SH3D21: variants seen among roughly 807,000 people sequenced by gnomAD.
SH3D21 encodes the protein manchette microtubule inner protein 1.
A neutral mutation model predicts 82.1 loss-of-function variants in SH3D21; 83 were observed. That is an observed-to-expected ratio of 1.01 (90% CI 0.85 to 1.21). The LOEUF (loss-of-function observed/expected upper bound fraction) is 1.21. SH3D21 is among the 50% of genes most tolerant of loss of function. The pLI is 0.00. For synonymous variants in SH3D21, 383 were observed against 387.8 expected (o/e 0.99, Z 0.15); for missense variants, 980 against 962.1 (o/e 1.02, Z -0.25).
chr1:36,319,557 G>T (rs1646407239), intron 13 of SH3D21, 21 bp downstream of exon 13: 1 of 1,551,680 alleles, frequency 6.4e-7, no homozygotes, highest in South Asian at 1.2e-5. Flanking sequence ...GGAGACATGG[G>T]AGAGTGGGGA....
chr1:36,316,005 C>T (rs1217610244), intron 10 of SH3D21, among the ~76,000 whole-genome samples: 2 of 152,180 alleles, frequency 1.3e-5, no homozygotes, highest in Admixed American at 6.5e-5. Flanking sequence ...GTTGCATGCA[C>T]ATCCTGAACT....
In SH3D21 at chr1:36,306,489, C is replaced by T; in HGVS notation, c.4+65C>T. ...GTGGACATAGCAAGAGCCCACACCA[C>T]CCCCCGACCCCCGCTGCCCTCTACG... is the stretch of plus-strand genomic sequence containing the variant. On this transcript the variant is annotated intron_variant, in intron 1 of 15. Coordinates refer to ENST00000453908, the MANE Select transcript of SH3D21 (RefSeq NM_001162530.2). The surrounding 1 kb of genome is among the most constrained non-coding windows in gnomAD (Gnocchi z 4.5). 5.4e-6 allele frequency: 7 copies of T among 1,303,316 alleles called. No individual in the cohort carries two copies. The highest frequency in any genetic ancestry group is 7.1e-6 in the Non-Finnish European group (7 of 987,564). 80.7% of individuals were successfully genotyped at this position (1,303,316 alleles called of 1,614,324 possible).
chr1:36,325,833 C>T (rs1044010236), downstream of SH3D21, among the ~76,000 whole-genome samples: 4 of 152,196 alleles, frequency 2.6e-5, no homozygotes, highest in South Asian at 4.1e-4. Context: ...CGTGAGCCAC[C>T]GCGCCCAGCC....
intron 10 of SH3D21, among the ~76,000 whole-genome samples, chr1:36,312,117 C>T (rs997936020): frequency 3.3e-5 from 5 of 150,516 alleles, no homozygotes; most frequent in African/African-American, 4.9e-5. Context: ...CTCCGCCTCC[C>T]GGGTTCATGC....
chr1:36,309,617 G>A, intron 10 of SH3D21, 27 bp downstream of exon 10: 1 of 1,550,692 alleles, frequency 6.4e-7, no homozygotes, highest in African/African-American at 1.4e-5. Context: ...CCTGGGATTG[G>A]GGGGTGTTCT....
At chr1:36,322,118 C>G (rs1000297447), downstream of SH3D21, 50 of 1,353,906 alleles carry the variant, frequency 3.7e-5, no homozygotes, top group Non-Finnish European at 4.6e-5. Context: ...GCTGCCCCCT[C>G]CCCGCCCCCG....
At chr1:36,309,646 C>A in intron 10 of SH3D21, 56 bp downstream of exon 10, 4 of 1,543,966 alleles carry the variant, frequency 2.6e-6, no homozygotes, top group Non-Finnish European at 3.5e-6. Context: ...CCCACCAGTC[C>A]AGTTGCTTAT....
chr1:36,327,729 G>A (rs1646559492), downstream of SH3D21: 9 of 1,219,900 alleles, frequency 7.4e-6, no homozygotes, highest in Admixed American at 5.7e-5. Flanking sequence ...GGGGCTTGCC[G>A]TGGCCAAGCC....
chr1:36,312,022 C>CT (rs973528227), intron 10 of SH3D21, among the ~76,000 whole-genome samples: 8 of 150,512 alleles, frequency 5.3e-5, no homozygotes, highest in South Asian at 2.1e-4. Context: ...CTATAATTTT[C>CT]TTTTTTTTTA....
chr1:36,316,603 G>T (rs960899782), intron 10 of SH3D21, among the ~76,000 whole-genome samples: 2 of 152,152 alleles, frequency 1.3e-5, no homozygotes, highest in African/African-American at 4.8e-5. Context: ...CGGTCCTCCT[G>T]AAGAAAGGTA....
At chr1:36,309,638 C>G (rs1040980500) in intron 10 of SH3D21, 48 bp downstream of exon 10, 4 of 1,548,432 alleles carry the variant, frequency 2.6e-6, no homozygotes, top group Non-Finnish European at 3.5e-6. Context: ...CTGGGAGACC[C>G]ACCAGTCCAG....
chr1:36,320,673 C>T lies in SH3D21; in HGVS notation c.2010C>T (p.Leu670=). ...IKPPPDSQET[L]ALPSLVPQNY... ...CGCCTCCAGACTCCCAAGAGACGCTCGCGCTCCCCTCGCTGGTCCCGCAAA... is the reference window on the plus strand; with the variant it reads ...CGCCTCCAGACTCCCAAGAGACGCTTGCGCTCCCCTCGCTGGTCCCGCAAA... The change falls in exon 14 of 16, where the codon CTC becomes CTT. Residue 670 remains leucine (L), a synonymous_variant. Transcript: ENST00000453908. 1 of 1,614,244 alleles carries T rather than the reference C, an allele frequency of 6.2e-7. No homozygotes were observed. The highest frequency in any genetic ancestry group is 2.2e-5 in the East Asian group (1 of 44,894).
chr1:36,307,477 G>C lies in SH3D21; in HGVS notation c.346-40G>C. 1 of 1,546,772 alleles carries C rather than the reference G, an allele frequency of 6.5e-7. No individual in the cohort carries two copies. The highest frequency in any genetic ancestry group is 2.0e-5 in the Admixed American group (1 of 50,768). Reference sequence around the variant, plus strand: ...TGGCAGATTATCCTAGGGACTCTTGGGGCAGAACCAGACGCCTCTGCGTCC... The same window carrying C: ...TGGCAGATTATCCTAGGGACTCTTGCGGCAGAACCAGACGCCTCTGCGTCC... On this transcript the variant is annotated intron_variant, in intron 4 of 15. Coordinates refer to ENST00000453908, the MANE Select transcript of SH3D21 (RefSeq NM_001162530.2). This position sits in a 1 kb window ranked among gnomAD's most constrained non-coding sequence, Gnocchi z 5.4.
At chr1:36,315,333 A>C (rs761261826) in intron 10 of SH3D21, among the ~76,000 whole-genome samples, 1 of 151,798 alleles carries the variant, frequency 6.6e-6, no homozygotes, top group Non-Finnish European at 1.5e-5. Context: ...CAGAGCATTG[A>C]AATGGTTGTT....
chr1:36,327,593 T>A, downstream of SH3D21: 5 of 1,064,182 alleles, frequency 4.7e-6, no homozygotes, highest in South Asian at 8.3e-5. Context: ...GGTTGGTATG[T>A]GACATATGTG....
chr1:36,306,684 G>C lies in SH3D21; in HGVS notation c.91G>C (p.Val31Leu), dbSNP rs1298896566. The C allele has an allele frequency of 7.7e-7, 1 of 1,297,026 alleles. No homozygotes were observed. The highest frequency in any genetic ancestry group is 1.0e-6 in the Non-Finnish European group (1 of 987,996). The allele number at this position is 1,297,026 out of a possible 1,614,324, so 80.3% of individuals were successfully genotyped here. A position where few individuals can be genotyped will look rare whatever the true frequency, so the allele number is the denominator to read the frequency against. ...GGACGTGGTCCGGCAGGTGCGCTGG[G>C]TGCCCGCGCGGGGCTGGCTTCGCGG... is the stretch of plus-strand genomic sequence containing the variant. Reference protein sequence around the residue: ...PGDVVRQVRWVPARGWLRGEF... With the variant: ...PGDVVRQVRWLPARGWLRGEF... The change falls in exon 2 of 16, where the codon GTG becomes CTG. Residue 31 changes from valine to leucine, a missense_variant. Val to Leu is a conservative substitution (Grantham distance 32). Transcript: ENST00000453908. This position sits in a 1 kb window ranked among gnomAD's most constrained non-coding sequence, Gnocchi z 4.5.
chr1:36,312,767 G>A (rs1646265064), intron 10 of SH3D21, among the ~76,000 whole-genome samples: 1 of 152,152 alleles, frequency 6.6e-6, no homozygotes, highest in African/African-American at 2.4e-5. Flanking sequence ...TTGGAGTGCA[G>A]TGGCGCGATC....
At chr1:36,314,587 C>CT (rs1293599734) in intron 10 of SH3D21, among the ~76,000 whole-genome samples, 5 of 151,612 alleles carry the variant, frequency 3.3e-5, no homozygotes, top group Non-Finnish European at 1.5e-5. Flanking sequence ...TCCCAAGTAG[C>CT]TAGGATGACA....
chr1:36,313,327 CAATAAATA>C (rs60993866), intron 10 of SH3D21, among the ~76,000 whole-genome samples: 2 of 142,598 alleles, frequency 1.4e-5, no homozygotes, highest in Middle Eastern at 3.6e-3. Flanking sequence ...CTCTGTCTCA[CAATAAATA>C]AATAAATAAA....
Sources: allele counts gnomAD v4.1 joint callset (sites outside exome capture counted in the v4.1 genomes callset), GRCh38; gene constraint gnomAD v4.1.1; non-coding constraint Gnocchi (gnomAD v3.1); transcripts MANE v1.5; gene names NCBI Gene and HGNC (gene_info 2026-07-23, HGNC 2026-07-21).